RBFOX1: variants seen among roughly 807,000 people sequenced by gnomAD.
The protein encoded by RBFOX1 is RNA binding fox-1 homolog 1.
Under a neutral mutation model 57.7 loss-of-function variants are expected in RBFOX1, and 8 were observed. The ratio of observed to expected loss-of-function variants is 0.14; its 90% CI spans 0.08 to 0.25. RBFOX1 has a LOEUF of 0.25. RBFOX1 is among the 10% of genes least tolerant of loss of function. RBFOX1 has a pLI of 1.00. For missense variants in RBFOX1, 611 were observed against 548.5 expected (o/e 1.11, Z -1.14); for synonymous variants, 326 against 222.4 (o/e 1.47, Z -4.15).
intron 1 of RBFOX1, among the ~76,000 whole-genome samples, chr16:5,267,794 G>A (rs1244073845): frequency 6.6e-6 from 1 of 152,166 alleles, no homozygotes; most frequent in African/African-American, 2.4e-5. Context: ...ATAAAAAGAT[G>A]ACTGAGGTCA....
chr16:5,415,507 A>G (rs1017925002), intron 1 of RBFOX1, among the ~76,000 whole-genome samples: 10 of 152,332 alleles, frequency 6.6e-5, no homozygotes, highest in Admixed American at 5.9e-4. Context: ...TTGCAAACTC[A>G]GGGATCCAAC....
At chr16:6,511,843 C>A (rs1051580017) in intron 2 of RBFOX1, among the ~76,000 whole-genome samples, 4 of 152,268 alleles carry the variant, frequency 2.6e-5, no homozygotes, top group East Asian at 1.9e-4. Context: ...CGGCTTTCTT[C>A]TTTTGATAAT....
intron 3 of RBFOX1, among the ~76,000 whole-genome samples, chr16:6,680,196 G>A (rs947187864): frequency 8.6e-5 from 13 of 151,628 alleles, no homozygotes; most frequent in Admixed American, 1.3e-4. Context: ...ATGGAGCTGC[G>A]CATATATTCA....
chr16:5,662,960 C>T (rs570130208), intron 3 of RBFOX1, among the ~76,000 whole-genome samples: 1 of 152,300 alleles, frequency 6.6e-6, no homozygotes, highest in East Asian at 1.9e-4. Context: ...TGCATGTTAT[C>T]TATGATTATC....
intron 1 of RBFOX1, among the ~76,000 whole-genome samples, chr16:5,328,526 A>T (rs1036888075): frequency 6.6e-6 from 1 of 152,256 alleles, no homozygotes; most frequent in Admixed American, 6.5e-5. Flanking sequence ...AGCCTCGATG[A>T]CAAAGCATTG....
chr16:5,784,471 G>A (rs1195704014), intron 3 of RBFOX1, among the ~76,000 whole-genome samples: 1 of 151,984 alleles, frequency 6.6e-6, no homozygotes, highest in Admixed American at 6.6e-5. Flanking sequence ...CATGGCCAGA[G>A]CAGGAGCAGC....
chr16:5,734,368 C>T (rs777539290), intron 3 of RBFOX1, among the ~76,000 whole-genome samples: 3 of 152,068 alleles, frequency 2.0e-5, no homozygotes, highest in Non-Finnish European at 4.4e-5. Flanking sequence ...TTCAAGGCTG[C>T]AGTTAGCTGT....
rs77496116 is a variant in RBFOX1, at chr16:7,529,395, G to A, written c.270+11006G>A. Among the ~76,000 whole-genome samples, 8 of 152,306 alleles carry A rather than the reference G, an allele frequency of 5.3e-5. No individual in the cohort carries two copies. In the East Asian group the frequency reaches 1.4e-3, roughly 26 times the overall value. On this transcript the variant is annotated intron_variant, in intron 5 of 15. Coordinates refer to ENST00000550418, the MANE Select transcript of RBFOX1 (RefSeq NM_018723.4). ...ATTTTTAGTTTTCTCCATTAAGGTA[G>A]GCATTACAAAATTACAAGCGTGATG...
chr16:6,974,271 G>T (rs2086260925), intron 3 of RBFOX1, among the ~76,000 whole-genome samples: 1 of 148,170 alleles, frequency 6.7e-6, no homozygotes, highest in African/African-American at 2.5e-5. Context: ...TACAGTTTGA[G>T]TTGGTGTCAT....
intron 3 of RBFOX1, among the ~76,000 whole-genome samples, chr16:6,697,570 G>A (rs890251414): frequency 2.0e-5 from 3 of 152,202 alleles, no homozygotes; most frequent in Non-Finnish European, 2.9e-5. Flanking sequence ...AGCAGCTTGA[G>A]TCAAAGGCTT....
intron 3 of RBFOX1, among the ~76,000 whole-genome samples, chr16:6,787,359 T>C (rs1388720998): frequency 6.6e-6 from 1 of 152,174 alleles, no homozygotes; most frequent in Non-Finnish European, 1.5e-5. Context: ...TCTTTCAACT[T>C]AGGATTTTAT....
At chr16:7,162,656 G>A (rs2078609101) in intron 4 of RBFOX1, among the ~76,000 whole-genome samples, 1 of 151,960 alleles carries the variant, frequency 6.6e-6, no homozygotes, top group Non-Finnish European at 1.5e-5. Context: ...TTGAACCTGG[G>A]AGACAGAGGT....
chr16:7,095,884 G>C (rs961023631), intron 4 of RBFOX1, among the ~76,000 whole-genome samples: 1 of 151,704 alleles, frequency 6.6e-6, no homozygotes, highest in Non-Finnish European at 1.5e-5. Context: ...GTGGTGGCGG[G>C]TGTCTGTAAT....
chr16:6,693,356 CCAT>C (rs1311325763), intron 3 of RBFOX1, among the ~76,000 whole-genome samples: 1 of 151,338 alleles, frequency 6.6e-6, no homozygotes, highest in Non-Finnish European at 1.5e-5. Flanking sequence ...AGCATCACCG[CCAT>C]CATCATCAAC....
intron 1 of RBFOX1, among the ~76,000 whole-genome samples, chr16:6,249,994 G>A (rs1232243848): frequency 1.3e-5 from 2 of 152,000 alleles, no homozygotes; most frequent in Non-Finnish European, 2.9e-5. Context: ...TGGCTTGTAG[G>A]TGCGGTAGAA....
At chr16:6,249,689 G>C (rs934375293) in intron 1 of RBFOX1, among the ~76,000 whole-genome samples, 1 of 152,046 alleles carries the variant, frequency 6.6e-6, no homozygotes, top group Non-Finnish European at 1.5e-5. Flanking sequence ...TCCATGCCAA[G>C]TGATGACATG....
At chr16:6,670,889 A>G (rs1603300573) in intron 3 of RBFOX1, among the ~76,000 whole-genome samples, 1 of 152,064 alleles carries the variant, frequency 6.6e-6, no homozygotes, top group East Asian at 1.9e-4. Flanking sequence ...AGTCCCAGCT[A>G]CTTGGGAGGC....
chr16:6,990,797 A>G (rs954757230), intron 3 of RBFOX1, among the ~76,000 whole-genome samples: 1 of 152,140 alleles, frequency 6.6e-6, no homozygotes, highest in Non-Finnish European at 1.5e-5. Context: ...CTGCTTGTTA[A>G]GGTCCAGGAA....
At chr16:7,224,163 G>C (rs1463443886) in intron 4 of RBFOX1, among the ~76,000 whole-genome samples, 1 of 121,188 alleles carries the variant, frequency 8.3e-6, no homozygotes. Flanking sequence ...AAAAGGCTCA[G>C]TTGAGGAACT....
Sources: allele counts gnomAD v4.1 joint callset (sites outside exome capture counted in the v4.1 genomes callset), GRCh38; gene constraint gnomAD v4.1.1; transcripts MANE v1.5; gene names NCBI Gene and HGNC (gene_info 2026-07-23, HGNC 2026-07-21).